The following ZNF595 variants were observed in gnomAD, a reference collection of about 807,000 sequenced individuals.
ZNF595 encodes zinc finger protein 595.
Under a neutral mutation model 19.4 loss-of-function variants are expected in ZNF595, and 9 were observed. The observed-to-expected ratio is 0.46, with a 90% CI of 0.28 to 0.81. The LOEUF is 0.81. ZNF595 is among the 30% of genes least tolerant of loss of function. The pLI is 0.11. For missense variants in ZNF595, 729 were observed against 736.0 expected (o/e 0.99, Z 0.11); for synonymous variants, 255 against 255.9 (o/e 1.00, Z 0.03).
Position 87,601 on chromosome 4 carries a change from A to T in ZNF595, c.*150A>T. Reference sequence around the variant, plus strand: ...TAGTATGTGTATCTATTCATGGCTTATTTGGATTATTTTGATACAGGCATA... The same window carrying T: ...TAGTATGTGTATCTATTCATGGCTTTTTTGGATTATTTTGATACAGGCATA... On this transcript the variant is annotated 3_prime_UTR_variant, in exon 4 of 4. Transcript: ENST00000610261. The T allele has an allele frequency of 1.6e-6, 1 of 606,590 alleles. No individual in the cohort carries two copies. The highest frequency in any genetic ancestry group is 3.7e-5 in the Admixed American group (1 of 27,314). 37.6% of individuals were successfully genotyped at this position (606,590 alleles called of 1,614,324 possible).
chr4:85,925 C>G lies in ZNF595; in HGVS notation c.421C>G (p.Gln141Glu). 6.2e-7 allele frequency: 1 copy of G among 1,613,626 alleles called. No homozygotes were observed. The highest frequency in any genetic ancestry group is 8.5e-7 in the Non-Finnish European group (1 of 1,179,750). ...NGVYQCLSTT[Q>E]SKIFQCNTCV... is the part of the protein sequence containing the mutation. ...AGTTTACCAGTGCTTGTCAACTACCCAGAGCAAAATATTTCAATGTAATAC... is the reference window on the plus strand; with the variant it reads ...AGTTTACCAGTGCTTGTCAACTACCGAGAGCAAAATATTTCAATGTAATAC... The change falls in exon 4 of 4, where the codon CAG becomes GAG. Residue 141 changes from glutamine (Q) to glutamate (E), a missense_variant. By Grantham distance (29) the Gln-to-Glu change is conservative (BLOSUM62 2). Coordinates refer to ENST00000610261, the MANE Select transcript of ZNF595 (RefSeq NM_182524.4).
chr4:85,544 C>A (rs553076899), intron 3 of ZNF595, among the ~76,000 whole-genome samples, 187 bp from the exon 4 acceptor site: 1 of 152,172 alleles, frequency 6.6e-6, no homozygotes, highest in Admixed American at 6.5e-5. Context: ...AACTCATTTA[C>A]AGATTTTGCA....
At chr4:81,722 C>T (rs369867024) in intron 3 of ZNF595, among the ~76,000 whole-genome samples, 2 of 152,126 alleles carry the variant, frequency 1.3e-5, no homozygotes, top group Non-Finnish European at 2.9e-5. Context: ...TTTACAAAAA[C>T]AATTCTGTTT....
intron 3 of ZNF595, among the ~76,000 whole-genome samples, chr4:76,006 G>A (rs1283449796): frequency 3.3e-5 from 5 of 151,896 alleles, no homozygotes; most frequent in Admixed American, 6.6e-5. Context: ...TTCTCCAGTC[G>A]CAGCCTCCTG....
chr4:78,043 C>T lies in ZNF595; in HGVS notation c.227-7688C>T, dbSNP rs1713745646. ...TTGTTTTTTGAGACGGAGTCTTGCT[C>T]TGTCTCCCAGGCTGGAGTGCAGTGG... On this transcript the variant is annotated intron_variant, in intron 3 of 3. Transcript: ENST00000610261. Among the ~76,000 whole-genome samples the T allele has an allele frequency of 2.6e-5, 4 of 152,318 alleles. No homozygotes were observed. The South Asian group carries it at 8.3e-4, about 32-fold the overall frequency.
chr4:81,163 C>T (rs1215206117), intron 3 of ZNF595, among the ~76,000 whole-genome samples: 1 of 152,144 alleles, frequency 6.6e-6, no homozygotes, highest in Non-Finnish European at 1.5e-5. Flanking sequence ...GACGTGAACT[C>T]ATTCTTTTTT....
At chr4:68,761 A>G (rs1309822323) in intron 3 of ZNF595, among the ~76,000 whole-genome samples, 2 of 152,232 alleles carry the variant, frequency 1.3e-5, no homozygotes, top group African/African-American at 2.4e-5. Flanking sequence ...TTTACGAACA[A>G]TCTAATAACA....
chr4:72,868 A>G (rs889270165), intron 3 of ZNF595, among the ~76,000 whole-genome samples: 24 of 152,152 alleles, frequency 1.6e-4, no homozygotes, highest in African/African-American at 4.6e-4. Context: ...CAATCTTGAC[A>G]CTGTCAAAGG....
intron 3 of ZNF595, among the ~76,000 whole-genome samples, chr4:73,100 T>C (rs889573358): frequency 2.6e-5 from 4 of 152,130 alleles, no homozygotes; most frequent in Non-Finnish European, 4.4e-5. Flanking sequence ...TTCCTAGATA[T>C]TGTCAAATAA....
In ZNF595 at chr4:86,198, G is replaced by C; in HGVS notation, c.694G>C (p.Glu232Gln). Residue 232 changes from glutamate to glutamine, a missense_variant, in exon 4 of 4, where the codon GAA becomes CAA. Glu to Gln is a conservative substitution (Grantham distance 29). Coordinates refer to ENST00000610261, the MANE Select transcript of ZNF595 (RefSeq NM_182524.4). ...HTGEKPYTCE[E>Q]CGKAFRRSTV... ...TGGAGAGAAACCCTACACATGTGAA[G>C]AATGTGGCAAAGCCTTTAGACGGTC... 1 of 1,613,414 alleles carries C rather than the reference G, an allele frequency of 6.2e-7. No homozygotes were observed. The highest frequency in any genetic ancestry group is 8.5e-7 in the Non-Finnish European group (1 of 1,179,736).
In ZNF595 at chr4:86,965, A is replaced by G; in HGVS notation, c.1461A>G (p.Lys487=). The G allele has an allele frequency of 6.2e-7, 1 of 1,613,958 alleles. No homozygotes were observed. The highest frequency in any genetic ancestry group is 8.5e-7 in the Non-Finnish European group (1 of 1,179,968). ...EKPYKCEECG[K]AFIWSASLNE... is the part of the protein sequence containing the mutation. ...CCTACAAATGTGAAGAATGTGGCAA[A>G]GCTTTCATATGGTCCGCAAGCCTGA... The change falls in exon 4 of 4, where the codon AAA becomes AAG. Residue 487 remains lysine (K), a synonymous_variant. Transcript: ENST00000610261.
intron 3 of ZNF595, among the ~76,000 whole-genome samples, chr4:76,946 G>A (rs533661368): frequency 6.6e-6 from 1 of 152,184 alleles, no homozygotes; most frequent in Admixed American, 6.5e-5. Context: ...AGTTCCTTCT[G>A]CTATAGACAT....
chr4:82,252 G>A (rs1713938407), intron 3 of ZNF595, among the ~76,000 whole-genome samples: 2 of 151,356 alleles, frequency 1.3e-5, no homozygotes, highest in South Asian at 2.1e-4. Context: ...GACAGAGATT[G>A]CATTTAATCT....
rs367912551 is a variant in ZNF595, at chr4:80,682, G to T, written c.227-5049G>T. Among the ~76,000 whole-genome samples the T allele has an allele frequency of 5.5e-4, 84 of 152,260 alleles. No homozygotes were observed. The South Asian group carries it at 0.017, about 30-fold the overall frequency. On this transcript the variant is annotated intron_variant, in intron 3 of 3. Transcript: ENST00000610261. ...AGGGACAGGGGTCACAAGGTGCTCA[G>T]TTGGGGAGCTTCTGAGCCAGGAGAA...
At position 86,095 on chromosome 4, in the gene ZNF595, G is replaced by A. The variant is rs1553801211; in HGVS notation, c.591G>A (p.Glu197=). 1 of 1,613,592 alleles carries A rather than the reference G, an allele frequency of 6.2e-7. No homozygotes were observed. Among genetic ancestry groups the A allele is most frequent in the South Asian group, 1.1e-5 (1 of 91,034 alleles). ...AACATACAGGAATTCATGCTGGAGA[G>A]AAACCCTACAAATGTGAAAAATGTG... ...LTQHTGIHAG[E]KPYKCEKCGK... The change falls in exon 4 of 4, where the codon GAG becomes GAA. Residue 197 remains glutamate (E), a synonymous_variant. Transcript: ENST00000610261.
Position 75,763 on chromosome 4 carries a change from C to G in ZNF595, c.227-9968C>G, listed in dbSNP as rs75748899. On this transcript the variant is annotated intron_variant, in intron 3 of 3. Transcript: ENST00000610261. ...TTTGTTTTTGTTAGATGCTTTCATTCTTTTTCTTTTGTATGTATCTACTAC... is the reference window on the plus strand; with the variant it reads ...TTTGTTTTTGTTAGATGCTTTCATTGTTTTTCTTTTGTATGTATCTACTAC... Among the ~76,000 whole-genome samples the G allele has an allele frequency of 4.8e-4, 70 of 144,336 alleles. No individual in the cohort carries two copies. In the East Asian group the frequency reaches 0.013, roughly 26 times the overall value. The allele number at this position is 144,336 out of a possible 152,430, so 94.7% of individuals were successfully genotyped here.
At chr4:71,454 G>C (rs1553797864) in intron 3 of ZNF595, among the ~76,000 whole-genome samples, 2 of 152,052 alleles carry the variant, frequency 1.3e-5, no homozygotes, top group African/African-American at 4.8e-5. Context: ...CTTGGGTTTA[G>C]GTTCCCAATT....
Position 87,774 on chromosome 4 carries a change from G to A in ZNF595, c.*323G>A, listed in dbSNP as rs527355231. 547 of 154,074 alleles carry A rather than the reference G, an allele frequency of 3.6e-3. 3 individuals carry two copies. The highest frequency in any genetic ancestry group is 0.012 in the African/African-American group (487 of 39,092). 9.5% of individuals were successfully genotyped at this position (154,074 alleles called of 1,614,324 possible). ...CTCGTTCTGTCGCCCAGGCTGGAGC[G>A]CAGTGGTGCGATCTTGGCTCACTGC... is the stretch of plus-strand genomic sequence containing the variant. On this transcript the variant is annotated 3_prime_UTR_variant, in exon 4 of 4. Transcript: ENST00000610261.
At chr4:83,619 C>CAAAA (rs71164492) in intron 3 of ZNF595, among the ~76,000 whole-genome samples, 768 of 34,600 alleles carry the variant, frequency 0.022, 1 homozygote, top group Non-Finnish European at 0.042. Context: ...GACTCCGTCT[C>CAAAA]AAAAAAAAAA....
Sources: gnomAD v4.1 joint callset for allele counts (sites outside exome capture counted in the v4.1 genomes callset) on GRCh38, gnomAD v4.1.1 for gene constraint, MANE v1.5 for transcripts, NCBI Gene and HGNC (gene_info 2026-07-23, HGNC 2026-07-21) for gene names.